DISC1: variants seen among roughly 807,000 people sequenced by gnomAD.
The protein encoded by DISC1 is disrupted in schizophrenia 1 protein.
In DISC1, 57 loss-of-function variants were observed where a neutral mutation model predicts 84.5. The ratio of observed to expected loss-of-function variants is 0.67; its 90% CI spans 0.55 to 0.84. The LOEUF is 0.84. DISC1 is among the 40% of genes least tolerant of loss of function. The pLI, the probability that DISC1 is intolerant of heterozygous loss-of-function variation, is 0.00. For synonymous variants in DISC1, 411 were observed against 415.2 expected (o/e 0.99, Z 0.12); for missense variants, 1,000 against 1,057.8 (o/e 0.95, Z 0.76).
intron 7 of DISC1, among the ~76,000 whole-genome samples, chr1:231,795,605 G>C (rs1181979621): frequency 1.3e-5 from 2 of 152,188 alleles, no homozygotes; most frequent in Non-Finnish European, 2.9e-5. Flanking sequence ...AGATGCATTC[G>C]GGGCTTGGTG....
intron 6 of DISC1, among the ~76,000 whole-genome samples, chr1:231,781,192 GA>G (rs61353660): frequency 0.6 from 80,222 of 133,786 alleles, 23,858 homozygotes; most frequent in Non-Finnish European, 0.61. Context: ...GCAGCCTCAG[GA>G]AAAAAAAAAA....
At chr1:231,762,086 CTCTTT>C (rs1367747510) in intron 4 of DISC1, among the ~76,000 whole-genome samples, 9 of 151,804 alleles carry the variant, frequency 5.9e-5, no homozygotes, top group East Asian at 3.9e-4. Context: ...TTTTTTCTTT[CTCTTT>C]TCTTTTTTCT....
chr1:231,794,462 A>G (rs115055034), intron 6 of DISC1, among the ~76,000 whole-genome samples: 232 of 152,236 alleles, frequency 1.5e-3, no homozygotes, highest in African/African-American at 5.4e-3. Context: ...GCTTTATATT[A>G]TAGCGAATTG....
chr1:231,970,586 T>C (rs1406611857), intron 10 of DISC1, among the ~76,000 whole-genome samples: 1 of 152,198 alleles, frequency 6.6e-6, no homozygotes. Flanking sequence ...TTCTTTGCCA[T>C]TGATAATTCA....
intron 1 of DISC1, among the ~76,000 whole-genome samples, chr1:231,661,478 T>C (rs970775976): frequency 6.6e-6 from 1 of 152,220 alleles, no homozygotes; most frequent in Non-Finnish European, 1.5e-5. Context: ...CTGCCTGTCT[T>C]ATTTCAGAAA....
intron 9 of DISC1, among the ~76,000 whole-genome samples, chr1:231,867,329 A>G (rs909974194): frequency 6.6e-6 from 1 of 152,224 alleles, no homozygotes; most frequent in African/African-American, 2.4e-5. Context: ...CATGCAACGG[A>G]TGTACCTCTT....
chr1:231,939,819 C>T (rs182579406), intron 9 of DISC1, among the ~76,000 whole-genome samples: 31 of 151,994 alleles, frequency 2.0e-4, no homozygotes, highest in African/African-American at 6.8e-4. Flanking sequence ...CTCAGCTCAC[C>T]GCAACCTCCG....
At chr1:231,979,948 A>G (rs1387391238) in intron 10 of DISC1, among the ~76,000 whole-genome samples, 1 of 152,176 alleles carries the variant, frequency 6.6e-6, no homozygotes, top group Non-Finnish European at 1.5e-5. Context: ...AGCTCAATGC[A>G]CCAATAAGCT....
intron 6 of DISC1, among the ~76,000 whole-genome samples, chr1:231,789,173 G>A (rs1459514205): frequency 6.6e-6 from 1 of 152,206 alleles, no homozygotes; most frequent in Non-Finnish European, 1.5e-5. Flanking sequence ...AGTCAGGCCA[G>A]CCTCACTGAG....
At position 232,037,811 on chromosome 1, in the gene DISC1, AAGGC is replaced by A. The variant is rs1298500782; in HGVS notation, c.*983_*986del. On this transcript the variant is annotated 3_prime_UTR_variant, in exon 13 of 13. Coordinates refer to ENST00000439617, the MANE Select transcript of DISC1 (RefSeq NM_018662.3). ...TCAGTAATACAGTACAGTATTCAGT[AAGGC>A]AGTGAAGTACTCAGTAATACAATAC... 1 of 151,654 alleles carries A rather than the reference AAGGC, an allele frequency of 6.6e-6. No homozygotes were observed. Among genetic ancestry groups the A allele is most frequent in the African/African-American group, 2.4e-5 (1 of 41,198 alleles). 9.4% of individuals were successfully genotyped at this position (151,654 alleles called of 1,614,324 possible).
chr1:231,857,645 C>T (rs969565319), intron 9 of DISC1, among the ~76,000 whole-genome samples: 1 of 152,056 alleles, frequency 6.6e-6, no homozygotes, highest in African/African-American at 2.4e-5. Flanking sequence ...TGATTAGAAT[C>T]TTGAAAAAAT....
chr1:231,726,425 A>G (rs1007306759), intron 3 of DISC1, among the ~76,000 whole-genome samples: 1 of 152,102 alleles, frequency 6.6e-6, no homozygotes. Flanking sequence ...AGTGCTGCCC[A>G]AGGTCACCTG....
intron 11 of DISC1, among the ~76,000 whole-genome samples, chr1:232,011,755 G>A (rs868735699): frequency 6.6e-6 from 1 of 152,144 alleles, no homozygotes; most frequent in African/African-American, 2.4e-5. Context: ...GAATTTTACT[G>A]TGTATGACTT....
At chr1:231,664,315 A>G (rs529935027) in intron 1 of DISC1, among the ~76,000 whole-genome samples, 1 of 152,292 alleles carries the variant, frequency 6.6e-6, no homozygotes, top group South Asian at 2.1e-4. Context: ...CCTGAGATCT[A>G]AGTTCAAGCC....
At chr1:232,027,299 C>G (rs188011885) in intron 12 of DISC1, among the ~76,000 whole-genome samples, 2 of 152,230 alleles carry the variant, frequency 1.3e-5, no homozygotes, top group Non-Finnish European at 2.9e-5. Context: ...ACAAAGCAAA[C>G]AGGACTTTAG....
chr1:231,758,405 G>A (rs894000031), intron 4 of DISC1, among the ~76,000 whole-genome samples: 10 of 151,940 alleles, frequency 6.6e-5, no homozygotes, highest in African/African-American at 1.9e-4. Context: ...ACTCCCATGT[G>A]GGCCAGGTTT....
intron 9 of DISC1, among the ~76,000 whole-genome samples, chr1:231,835,905 A>G (rs998691647): frequency 4.6e-5 from 7 of 152,228 alleles, no homozygotes; most frequent in Non-Finnish European, 8.8e-5. Flanking sequence ...ACTAAACAAC[A>G]TAGACCGATC....
intron 9 of DISC1, among the ~76,000 whole-genome samples, chr1:231,919,720 T>G (rs1271308244): frequency 6.6e-6 from 1 of 152,234 alleles, no homozygotes; most frequent in Non-Finnish European, 1.5e-5. Context: ...CTATGTGTAA[T>G]AGCTATTGTG....
chr1:231,846,461 A>G (rs988587753), intron 9 of DISC1, among the ~76,000 whole-genome samples: 1 of 152,224 alleles, frequency 6.6e-6, no homozygotes, highest in African/African-American at 2.4e-5. Context: ...CCAAAGTTAA[A>G]GGTGGAAAAA....
Sources: allele counts gnomAD v4.1 joint callset (sites outside exome capture counted in the v4.1 genomes callset), GRCh38; gene constraint gnomAD v4.1.1; transcripts MANE v1.5; gene names NCBI Gene and HGNC (gene_info 2026-07-23, HGNC 2026-07-21).